The following AFF3 variants were observed in gnomAD, a reference collection of about 807,000 sequenced individuals.
AFF3 encodes the protein AF4/FMR2 family member 3.
A neutral mutation model predicts 129.7 loss-of-function variants in AFF3; 32 were observed. That is an observed-to-expected ratio of 0.25 (90% CI 0.19 to 0.33). The LOEUF is 0.33. AFF3 is among the 10% of genes least tolerant of loss of function. AFF3 has a pLI of 1.00. For synonymous variants in AFF3, 644 were observed against 635.4 expected, an observed-to-expected ratio of 1.01 and a Z score of -0.20; for missense variants, 1,373 against 1,592.0, an observed-to-expected ratio of 0.86 and a Z score of 2.34.
chr2:99,877,186 G>A (rs1576254146), intron 7 of AFF3, among the ~76,000 whole-genome samples: 1 of 152,198 alleles, frequency 6.6e-6, no homozygotes, highest in East Asian at 1.9e-4. Context: ...AGCTGGACAT[G>A]GTAGCCAGCA....
At chr2:99,853,834 T>C (rs914064588) in intron 7 of AFF3, among the ~76,000 whole-genome samples, 5 of 152,292 alleles carry the variant, frequency 3.3e-5, no homozygotes, top group Admixed American at 2.0e-4. Context: ...TGCAAAAACA[T>C]TGTAATTTTT....
intron 7 of AFF3, among the ~76,000 whole-genome samples, chr2:99,997,190 G>A (rs1383090907): frequency 2.6e-5 from 4 of 152,124 alleles, no homozygotes; most frequent in Admixed American, 2.6e-4. Flanking sequence ...CCAAACTCCA[G>A]ACTTGTGGGT....
chr2:99,570,125 T>C (rs1676342975), intron 18 of AFF3, among the ~76,000 whole-genome samples: 1 of 152,210 alleles, frequency 6.6e-6, no homozygotes, highest in Non-Finnish European at 1.5e-5. Flanking sequence ...GGTCTTTCAC[T>C]GAGGGTGAGG....
rs534942606 is a variant in AFF3, at chr2:99,853,285, G to A, written c.874-15761C>T. 2.6e-5 allele frequency among the ~76,000 whole-genome samples: 4 copies of A among 152,238 alleles called. No homozygotes were observed. In the South Asian group the frequency reaches 8.3e-4, roughly 32 times the overall value. On this transcript the variant is annotated intron_variant, in intron 7 of 24. Coordinates refer to ENST00000672756, the MANE Select transcript of AFF3 (RefSeq NM_001386135.1). ...TTCAACCCAATGGTTTCTAAAACAT[G>A]TTTCTTTTTCCCATTTGAGTACCTT...
chr2:99,857,992 T>A (rs1690652412), intron 7 of AFF3, among the ~76,000 whole-genome samples: 1 of 152,050 alleles, frequency 6.6e-6, no homozygotes, highest in Non-Finnish European at 1.5e-5. Context: ...ACCCCTTGAG[T>A]TTGGTTGGTC....
intron 7 of AFF3, among the ~76,000 whole-genome samples, chr2:99,949,413 G>T (rs1054976054): frequency 6.6e-6 from 1 of 152,066 alleles, no homozygotes; most frequent in East Asian, 1.9e-4. Flanking sequence ...GAGCAGGGGG[G>T]AGGATGGTTT....
chr2:99,907,349 CTCAG>C (rs1338612664), intron 7 of AFF3, among the ~76,000 whole-genome samples: 1 of 152,108 alleles, frequency 6.6e-6, no homozygotes, highest in Non-Finnish European at 1.5e-5. Flanking sequence ...TCATGCAAAA[CTCAG>C]TCATTCTATG....
intron 4 of AFF3, among the ~76,000 whole-genome samples, chr2:100,085,591 A>C: frequency 6.8e-6 from 1 of 147,764 alleles, no homozygotes; most frequent in Non-Finnish European, 1.5e-5. Context: ...GGCACTCTGG[A>C]TCCCCAGCTG....
chr2:99,567,928 C>T (rs1221204455), intron 19 of AFF3, among the ~76,000 whole-genome samples: 1 of 152,172 alleles, frequency 6.6e-6, no homozygotes, highest in Non-Finnish European at 1.5e-5. Flanking sequence ...CAGAACTGTC[C>T]ATCAGACTCA....
intron 8 of AFF3, among the ~76,000 whole-genome samples, chr2:99,831,958 T>C (rs1198840955): frequency 2.0e-5 from 3 of 152,208 alleles, no homozygotes; most frequent in Non-Finnish European, 4.4e-5. Context: ...AACTCACTAA[T>C]CCCACCCGCT....
At chr2:99,951,905 C>T (rs1348653203) in intron 7 of AFF3, among the ~76,000 whole-genome samples, 1 of 152,202 alleles carries the variant, frequency 6.6e-6, no homozygotes, top group Non-Finnish European at 1.5e-5. Context: ...CTTGGCCTCC[C>T]ATTACAATAA....
chr2:99,584,516 A>G (rs1423037576), intron 16 of AFF3, among the ~76,000 whole-genome samples: 1 of 152,126 alleles, frequency 6.6e-6, no homozygotes, highest in African/African-American at 2.4e-5. Context: ...AATGGTGAGT[A>G]GAAGTTACAG....
intron 13 of AFF3, among the ~76,000 whole-genome samples, chr2:99,625,215 A>ACTT (rs1209184564): frequency 6.6e-6 from 1 of 152,212 alleles, no homozygotes; most frequent in Non-Finnish European, 1.5e-5. Context: ...TTTAGAGAAT[A>ACTT]CTTTTTTCTT....
chr2:99,881,928 T>C (rs777865257), intron 7 of AFF3, among the ~76,000 whole-genome samples: 10 of 152,214 alleles, frequency 6.6e-5, no homozygotes, highest in Non-Finnish European at 1.5e-4. Context: ...CCTGAATTTA[T>C]GCATGAGCAC....
intron 8 of AFF3, among the ~76,000 whole-genome samples, chr2:99,818,160 G>C (rs1044419013): frequency 1.3e-5 from 2 of 152,140 alleles, no homozygotes; most frequent in African/African-American, 2.4e-5. Context: ...GCACCAACAT[G>C]ATGCTCAAAG....
At chr2:99,713,702 A>ATTT (rs568894995) in intron 11 of AFF3, among the ~76,000 whole-genome samples, 10 of 144,250 alleles carry the variant, frequency 6.9e-5, no homozygotes, top group African/African-American at 2.3e-4. Context: ...TAGACTCCCT[A>ATTT]TTTTTTTTTT....
At chr2:99,607,348 T>G (rs568633212) in intron 13 of AFF3, among the ~76,000 whole-genome samples, 71 of 151,960 alleles carry the variant, frequency 4.7e-4, no homozygotes, top group Non-Finnish European at 9.0e-4. Flanking sequence ...CCGGCCAACA[T>G]AGTAAAACCC....
intron 10 of AFF3, among the ~76,000 whole-genome samples, chr2:99,740,621 G>C (rs1558804391): frequency 6.6e-6 from 1 of 151,998 alleles, no homozygotes; most frequent in African/African-American, 2.4e-5. Context: ...CTTTTGAGAA[G>C]TGTCTGTTCA....
At chr2:100,092,232 C>T (rs1263820529) in intron 4 of AFF3, among the ~76,000 whole-genome samples, 1 of 151,964 alleles carries the variant, frequency 6.6e-6, no homozygotes, top group Non-Finnish European at 1.5e-5. Flanking sequence ...TCCTACTTTC[C>T]CTATCTCATC....
Sources: allele counts gnomAD v4.1 joint callset (sites outside exome capture counted in the v4.1 genomes callset), GRCh38; gene constraint gnomAD v4.1.1; transcripts MANE v1.5; gene names NCBI Gene and HGNC (gene_info 2026-07-23, HGNC 2026-07-21).